Variants in NIM1K observed in about 807,000 individuals in gnomAD.
NIM1K encodes the protein serine/threonine-protein kinase NIM1.
In NIM1K, 35 loss-of-function variants were observed where a neutral mutation model predicts 37.1. The ratio of observed to expected loss-of-function variants is 0.94; its 90% CI spans 0.72 to 1.25. The LOEUF (loss-of-function observed/expected upper bound fraction) is 1.25. NIM1K is among the 50% of genes most tolerant of loss of function. The pLI, the probability that NIM1K is intolerant of heterozygous loss-of-function variation, is 0.00. For missense variants in NIM1K, 564 were observed against 548.0 expected, an observed-to-expected ratio of 1.03 and a Z score of -0.29; for synonymous variants, 234 against 206.6, an observed-to-expected ratio of 1.13 and a Z score of -1.14.
chr5:43,216,929 C>T (rs1236241563), intron 1 of NIM1K, among the ~76,000 whole-genome samples: 1 of 152,180 alleles, frequency 6.6e-6, no homozygotes, highest in Non-Finnish European at 1.5e-5. Flanking sequence ...TGAATATTTT[C>T]TAGTGTGACA....
chr5:43,206,272 T>TG (rs1752109147), intron 1 of NIM1K, among the ~76,000 whole-genome samples: 1 of 151,736 alleles, frequency 6.6e-6, no homozygotes, highest in South Asian at 2.1e-4. Flanking sequence ...TGTAGTCCCA[T>TG]CACTTTGGGA....
chr5:43,200,854 G>A (rs1251347566), intron 1 of NIM1K, among the ~76,000 whole-genome samples: 2 of 152,102 alleles, frequency 1.3e-5, no homozygotes, highest in African/African-American at 4.8e-5. Context: ...GGCTGGGCGC[G>A]TTGGCTCAAG....
intron 1 of NIM1K, among the ~76,000 whole-genome samples, chr5:43,197,653 A>G (rs536954871): frequency 5.9e-5 from 9 of 151,844 alleles, no homozygotes; most frequent in Non-Finnish European, 1.2e-4. Flanking sequence ...CATGATCCAT[A>G]CTCCATACCC....
chr5:43,240,074 T>C (rs1752677947), intron 1 of NIM1K, among the ~76,000 whole-genome samples: 1 of 151,976 alleles, frequency 6.6e-6, no homozygotes, highest in Admixed American at 6.5e-5. Flanking sequence ...TTTTCTTTTC[T>C]TTTTTTCTTT....
At chr5:43,266,893 A>C (rs993185515) in intron 2 of NIM1K, among the ~76,000 whole-genome samples, 6 of 152,132 alleles carry the variant, frequency 3.9e-5, no homozygotes, top group African/African-American at 1.4e-4. Context: ...GTTCATCAGG[A>C]ATATTGATCT....
intron 1 of NIM1K, among the ~76,000 whole-genome samples, chr5:43,218,696 T>A (rs1202691208): frequency 6.6e-6 from 1 of 151,486 alleles, no homozygotes; most frequent in Non-Finnish European, 1.5e-5. Flanking sequence ...ACCTCCTTCA[T>A]AATTGAGGAT....
chr5:43,239,603 T>C (rs1424330452), intron 1 of NIM1K, among the ~76,000 whole-genome samples: 1 of 152,026 alleles, frequency 6.6e-6, no homozygotes, highest in East Asian at 1.9e-4. Context: ...CTTGGCTCAC[T>C]ACAACCTCCG....
chr5:43,246,542 C>G (rs1341128478), intron 2 of NIM1K, among the ~76,000 whole-genome samples: 1 of 151,628 alleles, frequency 6.6e-6, no homozygotes, highest in Non-Finnish European at 1.5e-5. Context: ...CAGTGCGGCA[C>G]AGGAGATCCC....
intron 1 of NIM1K, among the ~76,000 whole-genome samples, chr5:43,235,475 A>C (rs985373371): frequency 6.6e-6 from 1 of 152,200 alleles, no homozygotes; most frequent in African/African-American, 2.4e-5. Context: ...GACCCCACAG[A>C]TGGGTAGCTC....
chr5:43,250,339 A>C (rs1257498427), intron 2 of NIM1K, among the ~76,000 whole-genome samples: 2 of 152,180 alleles, frequency 1.3e-5, no homozygotes, highest in Non-Finnish European at 2.9e-5. Context: ...CTGTGGCATA[A>C]ATTCTTTAAC....
chr5:43,279,678 G>A (rs2111573043), intron 3 of NIM1K, among the ~76,000 whole-genome samples: 1 of 152,292 alleles, frequency 6.6e-6, no homozygotes, highest in Admixed American at 6.5e-5. Context: ...CTGTTTCATT[G>A]TATTTCAGAA....
At chr5:43,196,479 A>G (rs1030000800) in intron 1 of NIM1K, among the ~76,000 whole-genome samples, 8 of 151,328 alleles carry the variant, frequency 5.3e-5, no homozygotes, top group Admixed American at 1.3e-4. Context: ...ATACAAAAAA[A>G]AAAAAATTAG....
intron 2 of NIM1K, among the ~76,000 whole-genome samples, chr5:43,248,709 A>G (rs1005453853): frequency 3.3e-5 from 5 of 152,062 alleles, no homozygotes; most frequent in African/African-American, 1.2e-4. Context: ...GAGGCCCAGG[A>G]GAGCCAGAGG....
At position 43,232,312 on chromosome 5, in the gene NIM1K, A is replaced by C. The variant is rs534007978; in HGVS notation, c.-694-12770A>C. The C allele has an allele frequency of 2.2e-5, 27 of 1,236,418 alleles. No individual in the cohort carries two copies. In the African/African-American group the frequency reaches 4.0e-4, roughly 18 times the overall value. The allele number at this position is 1,236,418 out of a possible 1,614,324, so 76.6% of individuals were successfully genotyped here. A position where few individuals can be genotyped will look rare whatever the true frequency, so the allele number is the denominator to read the frequency against. ...AGCAAGCACTGGCAGTCTCTGCTAC[A>C]GAAAGCTGTTTCATGGTAGGCTTTC... On this transcript the variant is annotated intron_variant, in intron 1 of 3. Transcript: ENST00000326035.
intron 1 of NIM1K, among the ~76,000 whole-genome samples, chr5:43,236,331 C>T (rs142486926): frequency 3.3e-5 from 5 of 151,644 alleles, no homozygotes; most frequent in Admixed American, 6.6e-5. Flanking sequence ...AAAATGGAGT[C>T]GCCAGACTTG....
intron 1 of NIM1K, among the ~76,000 whole-genome samples, chr5:43,236,247 A>G (rs1188823262): frequency 2.0e-5 from 3 of 152,086 alleles, no homozygotes; most frequent in Non-Finnish European, 4.4e-5. Flanking sequence ...AGCTTGGGTG[A>G]GAGTGAGATC....
At chr5:43,228,564 C>G (rs1378786379) in intron 1 of NIM1K, among the ~76,000 whole-genome samples, 1 of 152,040 alleles carries the variant, frequency 6.6e-6, no homozygotes, top group Non-Finnish European at 1.5e-5. Context: ...GTGGCTCACT[C>G]CTGTAATCCC....
intron 2 of NIM1K, among the ~76,000 whole-genome samples, chr5:43,252,304 C>T (rs1752877157): frequency 6.6e-6 from 1 of 151,974 alleles, no homozygotes; most frequent in Non-Finnish European, 1.5e-5. Context: ...ACTGACATGC[C>T]CTCCTTATAC....
At chr5:43,249,451 T>C (rs544793635) in intron 2 of NIM1K, among the ~76,000 whole-genome samples, 3 of 152,196 alleles carry the variant, frequency 2.0e-5, no homozygotes, top group Non-Finnish European at 4.4e-5. Context: ...TAATGAAATG[T>C]CTGGGCACTA....
Sources: gnomAD v4.1 joint callset for allele counts (sites outside exome capture counted in the v4.1 genomes callset) on GRCh38, gnomAD v4.1.1 for gene constraint, MANE v1.5 for transcripts, NCBI Gene and HGNC (gene_info 2026-07-23, HGNC 2026-07-21) for gene names.